Variants in GNPTAB observed in about 807,000 individuals in gnomAD.
GNPTAB encodes the protein N-acetylglucosamine-1-phosphate transferase subunits alpha and beta.
GNPTAB carries 92 observed loss-of-function variants against 136.6 expected under a neutral mutation model. The observed-to-expected ratio is 0.67, with a 90% CI of 0.57 to 0.80. The LOEUF (loss-of-function observed/expected upper bound fraction) is 0.80, where lower values mean the gene tolerates loss of function less well. Ranked by LOEUF, GNPTAB falls within the 30% of genes least tolerant of loss-of-function variation. The pLI, the probability that GNPTAB is intolerant of heterozygous loss-of-function variation, is 0.00. For synonymous variants in GNPTAB, 512 were observed against 535.1 expected (o/e 0.96, Z 0.60); for missense variants, 1,343 against 1,501.8 (o/e 0.89, Z 1.75).
intron 1 of GNPTAB, among the ~76,000 whole-genome samples, chr12:101,797,467 T>C (rs888566047): frequency 6.6e-6 from 1 of 151,870 alleles, no homozygotes; most frequent in African/African-American, 2.4e-5. Flanking sequence ...TCTACTAAAA[T>C]ACAAAAAATT....
chr12:101,784,641 TG>T (rs1383808516), intron 5 of GNPTAB, among the ~76,000 whole-genome samples: 2 of 149,486 alleles, frequency 1.3e-5, no homozygotes, highest in African/African-American at 5.0e-5. Flanking sequence ...CAGTCTGGTG[TG>T]GAGGAAATAA....
intron 15 of GNPTAB, among the ~76,000 whole-genome samples, 169 bp from the exon 16 acceptor site, chr12:101,760,312 G>C (rs1469404945): frequency 3.3e-5 from 5 of 152,180 alleles, no homozygotes; most frequent in Admixed American, 2.6e-4. Flanking sequence ...AGCAGAATGA[G>C]ACAATGCCAA....
intron 1 of GNPTAB, among the ~76,000 whole-genome samples, chr12:101,809,777 AC>A (rs1394993889): frequency 1.3e-5 from 2 of 152,252 alleles, no homozygotes; most frequent in Admixed American, 6.5e-5. Flanking sequence ...TAGGTGAAGC[AC>A]AGAGCAAGAA....
At chr12:101,827,695 T>C (rs1462795079) in intron 1 of GNPTAB, among the ~76,000 whole-genome samples, 1 of 152,242 alleles carries the variant, frequency 6.6e-6, no homozygotes, top group Non-Finnish European at 1.5e-5. Context: ...CCAGGCACAG[T>C]GGCTCGCACC....
At chr12:101,759,290 A>G (rs985448033) in intron 16 of GNPTAB, among the ~76,000 whole-genome samples, 19 of 151,020 alleles carry the variant, frequency 1.3e-4, no homozygotes, top group African/African-American at 4.6e-4. Flanking sequence ...GTGAACCCGG[A>G]AGGCGGAGCT....
intron 1 of GNPTAB, among the ~76,000 whole-genome samples, chr12:101,797,478 A>G (rs1869365512): frequency 6.6e-6 from 1 of 152,182 alleles, no homozygotes; most frequent in Non-Finnish European, 1.5e-5. Flanking sequence ...ACAAAAAATT[A>G]GCTGGGCATG....
At chr12:101,769,970 T>C (rs1953146180) in intron 10 of GNPTAB, 51 bp downstream of exon 10, 1 of 1,541,314 alleles carries the variant, frequency 6.5e-7, no homozygotes, top group Non-Finnish European at 8.9e-7. Context: ...CATTTTCTGA[T>C]TTGCTAAGTG....
intron 20 of GNPTAB, among the ~76,000 whole-genome samples, chr12:101,748,771 T>C (rs1039277828): frequency 2.6e-5 from 4 of 152,192 alleles, no homozygotes; most frequent in Non-Finnish European, 5.9e-5. Flanking sequence ...TGGAGACCCA[T>C]AGAAAATTAA....
In GNPTAB at chr12:101,768,050, A is replaced by G; in HGVS notation, c.1395T>C (p.Gly465=). The part of the protein sequence containing the change: ...ACNNSACDWD[G]GDCSGNSGGS... ...ACACATCCTTACCAGAGCAATCCCC[A>G]CCATCCCAATCGCAGGCTGAATTAT... The change falls in exon 11 of 21, where the codon GGT becomes GGC. Residue 465 remains glycine, a synonymous_variant. Coordinates refer to ENST00000299314, the MANE Select transcript of GNPTAB (RefSeq NM_024312.5). The G allele has an allele frequency of 6.2e-7, 1 of 1,614,156 alleles. No individual in the cohort carries two copies. The highest frequency in any genetic ancestry group is 8.5e-7 in the Non-Finnish European group (1 of 1,179,984).
chr12:101,775,473 C>T (rs1202474472), intron 7 of GNPTAB, among the ~76,000 whole-genome samples: 2 of 151,334 alleles, frequency 1.3e-5, no homozygotes, highest in Non-Finnish European at 2.9e-5. Context: ...GATTCTCGTG[C>T]CTTAGCCTCC....
intron 1 of GNPTAB, among the ~76,000 whole-genome samples, chr12:101,800,262 A>C (rs1439587328): frequency 3.3e-5 from 5 of 152,004 alleles, no homozygotes; most frequent in Non-Finnish European, 5.9e-5. Context: ...AATTGGGAGG[A>C]TCGCCTGAGC....
chr12:101,747,672 G>A (rs1217163098), intron 20 of GNPTAB, among the ~76,000 whole-genome samples: 3 of 30,072 alleles, frequency 1.0e-4, no homozygotes, highest in African/African-American at 2.3e-4. Flanking sequence ...GTAGGAGGAG[G>A]CAGGGCTTTG....
In GNPTAB at chr12:101,761,564, A is replaced by G. The variant is rs1308586135; in HGVS notation, c.2915T>C (p.Met972Thr). The change falls in exon 14 of 21, where the codon ATG becomes ACG. Residue 972 changes from methionine (M) to threonine (T), a missense_variant and splice_region_variant. Physicochemically the swap from Met to Thr is moderately conservative, Grantham distance 81. Transcript: ENST00000299314. ...DRIVMQELQD[M>T]FPEEFDKTSF... is the part of the protein sequence containing the mutation. Reference sequence around the variant, plus strand: ...CAACTCAAACACGAGCAAGACTTACATATCTTGCAGTTCTTGCATAACAAT... The same window carrying G: ...CAACTCAAACACGAGCAAGACTTACGTATCTTGCAGTTCTTGCATAACAAT... 2.5e-6 allele frequency: 4 copies of G among 1,613,614 alleles called. No individual in the cohort carries two copies. Among genetic ancestry groups the G allele is most frequent in the Admixed American group, 1.7e-5 (1 of 60,008 alleles).
chr12:101,788,656 C>T (rs142293313), intron 3 of GNPTAB, 67 bp from the exon 4 acceptor site: 34 of 853,776 alleles, frequency 4.0e-5, no homozygotes, highest in Middle Eastern at 2.5e-4. Flanking sequence ...GTAACCAAGA[C>T]GGTTTGCTTA....
At chr12:101,780,521 TA>T in intron 6 of GNPTAB, 35 bp downstream of exon 6, 1 of 1,399,952 alleles carries the variant, frequency 7.1e-7, no homozygotes, top group South Asian at 1.2e-5. Context: ...TATTCTAGTC[TA>T]TTGTAAAAAT....
chr12:101,830,452 CCGTCT>C, intron 1 of GNPTAB, 102 bp downstream of exon 1: 1 of 696,862 alleles, frequency 1.4e-6, no homozygotes, highest in South Asian at 1.5e-5. Context: ...TGGCAAAACC[CCGTCT>C]CTAATAATGA....
chr12:101,768,931 CCA>C (rs1301055786), intron 10 of GNPTAB, among the ~76,000 whole-genome samples: 2 of 152,180 alleles, frequency 1.3e-5, no homozygotes, highest in African/African-American at 2.4e-5. Flanking sequence ...AGGAAAAGCA[CCA>C]CACAGTCATT....
At chr12:101,783,048 T>C (rs1276552970) in intron 5 of GNPTAB, among the ~76,000 whole-genome samples, 1 of 148,794 alleles carries the variant, frequency 6.7e-6, no homozygotes, top group Non-Finnish European at 1.5e-5. Context: ...CTTGGTTTTT[T>C]TCTAAAGCAT....
At chr12:101,751,324 G>C (rs1952815864) in intron 19 of GNPTAB, among the ~76,000 whole-genome samples, 1 of 152,156 alleles carries the variant, frequency 6.6e-6, no homozygotes, top group South Asian at 2.1e-4. Flanking sequence ...ACGTACACCA[G>C]CTGCACTGAA....
Sources: gnomAD v4.1 joint callset for allele counts (sites outside exome capture counted in the v4.1 genomes callset) on GRCh38, gnomAD v4.1.1 for gene constraint, MANE v1.5 for transcripts, NCBI Gene and HGNC (gene_info 2026-07-23, HGNC 2026-07-21) for gene names.